Variants in SPACA9 observed in about 807,000 individuals in gnomAD.
The protein encoded by SPACA9 is sperm acrosome associated 9.
In SPACA9, 14 loss-of-function variants were observed where a neutral mutation model predicts 12.5. The observed-to-expected ratio is 1.12, with a 90% CI of 0.74 to 1.75. SPACA9 has a LOEUF of 1.75. SPACA9 is among the 40% of genes most tolerant of loss of function. SPACA9 has a pLI of 0.00. For synonymous variants in SPACA9, 111 were observed against 114.1 expected (o/e 0.97, Z 0.17); for missense variants, 292 against 291.9 (o/e 1.00, Z 0.00).
At chr9:132,885,998 A>T (rs1325063269) in intron 2 of SPACA9, among the ~76,000 whole-genome samples, 2 of 152,022 alleles carry the variant, frequency 1.3e-5, no homozygotes, top group Admixed American at 6.5e-5. Context: ...TGTGGGTATG[A>T]GTGTGAAGAG....
In SPACA9 at chr9:132,887,485, C is replaced by G; in HGVS notation, c.261C>G (p.His87Gln). 2 of 1,614,146 alleles carry G rather than the reference C, an allele frequency of 1.2e-6. No homozygotes were observed. The highest frequency in any genetic ancestry group is 1.7e-6 in the Non-Finnish European group (2 of 1,180,036). The stretch of plus-strand genomic sequence containing the variant: ...TCTGCCAGCACTTTGAGGCCGTGCA[C>G]TCTGGCACCCCAGTCACCAACAACC... ...NKLCQHFEAV[H>Q]SGTPVTNNLL... The change falls in exon 3 of 4, where the codon CAC becomes CAG. Residue 87 changes from histidine (H) to glutamine (Q), a missense_variant. His to Gln is a conservative substitution (Grantham distance 24). Transcript: ENST00000356311. The surrounding 1 kb of genome is among the most constrained non-coding windows in gnomAD (Gnocchi z 5.4).
rs996248654 is a variant in SPACA9 at position 132,888,798 on chromosome 9, C to T, written c.*187C>T. The T allele has an allele frequency of 4.5e-6, 6 of 1,344,892 alleles. No individual in the cohort carries two copies. In the East Asian group the frequency reaches 8.3e-5, roughly 19 times the overall value. 83.3% of individuals were successfully genotyped at this position (1,344,892 alleles called of 1,614,324 possible). On this transcript the variant is annotated 3_prime_UTR_variant, in exon 4 of 4. Transcript: ENST00000356311. This position sits in a 1 kb window ranked among gnomAD's most constrained non-coding sequence, Gnocchi z 5.0. ...TTCTTTTTTTTTTGAGACGGAGTCT[C>T]GCTCTGTCGCCCAGGCTGGAGTGCG...
chr9:132,883,278 GC>G lies in SPACA9; in HGVS notation c.-37-628del, dbSNP rs571118086. On this transcript the variant is annotated intron_variant, in intron 1 of 3. Coordinates refer to ENST00000356311, the MANE Select transcript of SPACA9 (RefSeq NM_001316897.2). The stretch of plus-strand genomic sequence containing the variant: ...GCGCAAACCTGAGACCAAGGCTCCT[GC>G]CCCCAGCCCAGAGCAGGCAGACTTA... Among the ~76,000 whole-genome samples, 32 of 152,314 alleles carry G rather than the reference GC, an allele frequency of 2.1e-4. No homozygotes were observed. In the South Asian group the frequency reaches 6.6e-3, roughly 32 times the overall value.
intron 2 of SPACA9, among the ~76,000 whole-genome samples, chr9:132,886,042 A>G (rs901043973): frequency 6.6e-6 from 1 of 152,236 alleles, no homozygotes; most frequent in African/African-American, 2.4e-5. Flanking sequence ...TGTGCATGGC[A>G]GTCCTTGGGA....
Position 132,888,276 on chromosome 9 carries a change from C to T in SPACA9, c.348-14C>T, listed in dbSNP as rs1169497727. 2 of 1,586,806 alleles carry T rather than the reference C, an allele frequency of 1.3e-6. No individual in the cohort carries two copies. Among genetic ancestry groups the T allele is most frequent in the East Asian group, 2.2e-5 (1 of 44,572 alleles). On this transcript the variant is annotated splice_polypyrimidine_tract_variant and intron_variant, in intron 3 of 3. Coordinates refer to ENST00000356311, the MANE Select transcript of SPACA9 (RefSeq NM_001316897.2). The surrounding 1 kb of genome is among the most constrained non-coding windows in gnomAD (Gnocchi z 5.0). ...CGGGAGCATGGGTTCACCTGGCCCC[C>T]TGCCGTCCTGCAGATACCCTCATGA...
At position 132,889,673 on chromosome 9, in the gene SPACA9, C is replaced by T. The variant is rs553504606; in HGVS notation, c.*1062C>T. 1.2e-5 allele frequency: 12 copies of T among 1,026,510 alleles called. No individual in the cohort carries two copies. The Admixed American group carries it at 5.0e-4, about 43-fold the overall frequency. The allele number at this position is 1,026,510 out of a possible 1,614,324, so 63.6% of individuals were successfully genotyped here. Reference sequence around the variant, plus strand: ...CAACTGGTCCACCCGCCTCGGCCTCCCAAAGTGCTGGGATTACAGGTGTGA... The same window carrying T: ...CAACTGGTCCACCCGCCTCGGCCTCTCAAAGTGCTGGGATTACAGGTGTGA... On this transcript the variant is annotated 3_prime_UTR_variant, in exon 4 of 4. Transcript: ENST00000356311.
At position 132,888,191 on chromosome 9, in the gene SPACA9, C is replaced by T. The variant is rs946800730; in HGVS notation, c.348-99C>T. 5.2e-6 allele frequency: 8 copies of T among 1,527,726 alleles called. No homozygotes were observed. The highest frequency in any genetic ancestry group is 7.0e-6 in the Non-Finnish European group (8 of 1,137,950). The allele number at this position is 1,527,726 out of a possible 1,614,324, so 94.6% of individuals were successfully genotyped here. On this transcript the variant is annotated intron_variant, in intron 3 of 3. Transcript: ENST00000356311. The surrounding 1 kb of genome is among the most constrained non-coding windows in gnomAD (Gnocchi z 5.0). Reference sequence around the variant, plus strand: ...TGCTGTGTGTCCAGTTCTAAAGCCTCCCCAGGTGACTCTGCTGTGCCTGAG... The same window carrying T: ...TGCTGTGTGTCCAGTTCTAAAGCCTTCCCAGGTGACTCTGCTGTGCCTGAG...
chr9:132,886,139 G>A (rs1329609911), intron 2 of SPACA9, among the ~76,000 whole-genome samples: 1 of 152,256 alleles, frequency 6.6e-6, no homozygotes, highest in Non-Finnish European at 1.5e-5. Flanking sequence ...TTTAGATGTA[G>A]ACCTTTGTGG....
upstream of SPACA9, chr9:132,878,474 T>C (rs1374908621): frequency 3.3e-6 from 4 of 1,216,250 alleles, no homozygotes; most frequent in Non-Finnish European, 4.1e-6. This position sits in a 1 kb window ranked among gnomAD's most constrained non-coding sequence, Gnocchi z 4.7. Flanking sequence ...GCTTTTCCCA[T>C]TTGCGCATCT....
At position 132,888,895 on chromosome 9, in the gene SPACA9, G is replaced by C. The variant is rs974485912; in HGVS notation, c.*284G>C. On this transcript the variant is annotated 3_prime_UTR_variant, in exon 4 of 4. Coordinates refer to ENST00000356311, the MANE Select transcript of SPACA9 (RefSeq NM_001316897.2). The surrounding 1 kb of genome is among the most constrained non-coding windows in gnomAD (Gnocchi z 5.0). ...CCATTCTCCTGCCTCAGCCTCCCAA[G>C]TAGCTGGGACTACAGGCGCCCACCA... 1.9e-5 allele frequency: 13 copies of C among 670,736 alleles called. No homozygotes were observed. The highest frequency in any genetic ancestry group is 2.0e-5 in the Non-Finnish European group (10 of 488,364). The allele number at this position is 670,736 out of a possible 1,614,324, so 41.5% of individuals were successfully genotyped here. A position where few individuals can be genotyped will look rare whatever the true frequency, so the allele number is the denominator to read the frequency against.
intron 1 of SPACA9, among the ~76,000 whole-genome samples, chr9:132,879,968 C>T (rs1466420947): frequency 1.3e-5 from 2 of 152,204 alleles, no homozygotes; most frequent in African/African-American, 2.4e-5. Flanking sequence ...GCCTCTTCCC[C>T]TCCAAACCGC....
At position 132,887,392 on chromosome 9, in the gene SPACA9, C is replaced by T; in HGVS notation, c.168C>T (p.Tyr56=). The T allele has an allele frequency of 6.2e-7, 1 of 1,613,014 alleles. No individual in the cohort carries two copies. The highest frequency in any genetic ancestry group is 8.5e-7 in the Non-Finnish European group (1 of 1,180,018). Residue 56 remains tyrosine (Y), a synonymous_variant, in exon 3 of 4, where the codon TAC becomes TAT. Transcript: ENST00000356311. This position sits in a 1 kb window ranked among gnomAD's most constrained non-coding sequence, Gnocchi z 5.4. ...AGGTGCAGAGCTACATGGAACACTA[C>T]TGCAACAGCTCCACAGACCGGCGGG... ...IGQVQSYMEH[Y]CNSSTDRRVL... is the part of the protein sequence containing the mutation.
downstream of SPACA9, chr9:132,890,105 C>A: frequency 1.0e-6 from 1 of 999,268 alleles, no homozygotes; most frequent in Non-Finnish European, 1.4e-6. Flanking sequence ...TCAAAGGACA[C>A]TGGGCAGTAA....
At position 132,887,721 on chromosome 9, in the gene SPACA9, C is replaced by T. The variant is rs1429876670; in HGVS notation, c.347+150C>T. The T allele has an allele frequency of 6.0e-6, 4 of 665,282 alleles. No homozygotes were observed. Among genetic ancestry groups the T allele is most frequent in the Non-Finnish European group, 1.0e-5 (4 of 386,178 alleles). The allele number at this position is 665,282 out of a possible 1,614,324, so 41.2% of individuals were successfully genotyped here. ...TCTCCACTCATTTATTGGAATGACT[C>T]GGATTCAACAAAACCTTTTCTTTAC... On this transcript the variant is annotated intron_variant, in intron 3 of 3. Transcript: ENST00000356311. The surrounding 1 kb of genome is among the most constrained non-coding windows in gnomAD (Gnocchi z 5.4).
rs887206933 is a variant in SPACA9, at chr9:132,889,446, T to C, written c.*835T>C. The C allele has an allele frequency of 1.0e-6, 1 of 978,726 alleles. No homozygotes were observed. The highest frequency in any genetic ancestry group is 1.8e-5 in the African/African-American group (1 of 57,098). 60.6% of individuals were successfully genotyped at this position (978,726 alleles called of 1,614,324 possible). On this transcript the variant is annotated 3_prime_UTR_variant, in exon 4 of 4. Coordinates refer to ENST00000356311, the MANE Select transcript of SPACA9 (RefSeq NM_001316897.2). Reference sequence around the variant, plus strand: ...TTTTGAGATGGAGTTTCACTCTGTCTCCCAGGCTGGAGTGCAGTGGCACGA... The same window carrying C: ...TTTTGAGATGGAGTTTCACTCTGTCCCCCAGGCTGGAGTGCAGTGGCACGA...
chr9:132,886,024 A>C (rs754420173), intron 2 of SPACA9, among the ~76,000 whole-genome samples: 1 of 152,138 alleles, frequency 6.6e-6, no homozygotes, highest in Non-Finnish European at 1.5e-5. Context: ...CCCCCTTACG[A>C]AGCTGCTTGT....
chr9:132,883,226 A>G (rs556766385), intron 1 of SPACA9, among the ~76,000 whole-genome samples: 1 of 152,306 alleles, frequency 6.6e-6, no homozygotes, highest in South Asian at 2.1e-4. Flanking sequence ...GGGGCAGTCC[A>G]CTAGCCACCA....
chr9:132,888,692 C>G lies in SPACA9; in HGVS notation c.*81C>G. On this transcript the variant is annotated 3_prime_UTR_variant, in exon 4 of 4. Coordinates refer to ENST00000356311, the MANE Select transcript of SPACA9 (RefSeq NM_001316897.2). This position sits in a 1 kb window ranked among gnomAD's most constrained non-coding sequence, Gnocchi z 5.0. ...TGGTTGGTCCTTTTTTCACTGGTAC[C>G]CATGGACCCTGCCACTTACTAACCC... 1 of 1,459,358 alleles carries G rather than the reference C, an allele frequency of 6.9e-7. No individual in the cohort carries two copies. Among genetic ancestry groups the G allele is most frequent in the Non-Finnish European group, 9.1e-7 (1 of 1,104,722 alleles). The allele number at this position is 1,459,358 out of a possible 1,614,324, so 90.4% of individuals were successfully genotyped here.
chr9:132,883,254 C>T (rs975387203), intron 1 of SPACA9, among the ~76,000 whole-genome samples: 7 of 152,204 alleles, frequency 4.6e-5, no homozygotes, highest in African/African-American at 7.2e-5. Flanking sequence ...CCTGAGAATG[C>T]GCAAACCTGA....
Sources: gnomAD v4.1 joint callset for allele counts (sites outside exome capture counted in the v4.1 genomes callset) on GRCh38, gnomAD v4.1.1 for gene constraint, Gnocchi (gnomAD v3.1) non-coding constraint, MANE v1.5 for transcripts, NCBI Gene and HGNC (gene_info 2026-07-23, HGNC 2026-07-21) for gene names.